Variants in EDIL3 observed in about 807,000 individuals in gnomAD.
The protein encoded by EDIL3 is EGF like and discoidin domains 3.
In EDIL3, 37 loss-of-function variants were observed where a neutral mutation model predicts 67.4. The observed-to-expected ratio is 0.55, with a 90% confidence interval of 0.42 to 0.72. EDIL3 has a LOEUF of 0.72. Among genes scored for constraint, EDIL3 ranks in the 30% least tolerant of loss-of-function variants. The pLI, the probability that EDIL3 is intolerant of heterozygous loss-of-function variation, is 0.00. For synonymous variants in EDIL3, 195 were observed against 196.3 expected (o/e 0.99, Z 0.05); for missense variants, 527 against 586.3 (o/e 0.90, Z 1.04).
At chr5:84,323,456 A>G (rs1746688674) in intron 1 of EDIL3, among the ~76,000 whole-genome samples, 2 of 152,014 alleles carry the variant, frequency 1.3e-5, no homozygotes, top group African/African-American at 4.8e-5. Flanking sequence ...ATGTTTCAAT[A>G]TAAAAAATCA....
rs192581802 is a variant in EDIL3, at chr5:84,029,652, T to G, written c.1137+30648A>C. ...ACGTTCACTTTGAGAAATTTAACCCTCAAAAGGGTTAAGATTAAGCGGATA... is the reference window on the plus strand; with the variant it reads ...ACGTTCACTTTGAGAAATTTAACCCGCAAAAGGGTTAAGATTAAGCGGATA... On this transcript the variant is annotated intron_variant, in intron 9 of 10. Coordinates refer to ENST00000296591, the MANE Select transcript of EDIL3 (RefSeq NM_005711.5). Among the ~76,000 whole-genome samples, 4 of 152,088 alleles carry G rather than the reference T, an allele frequency of 2.6e-5. No homozygotes were observed. In the East Asian group the frequency reaches 7.7e-4, roughly 29 times the overall value.
intron 6 of EDIL3, among the ~76,000 whole-genome samples, chr5:84,072,764 G>T (rs1746762576): frequency 1.3e-5 from 2 of 152,052 alleles, no homozygotes; most frequent in African/African-American, 2.4e-5. Flanking sequence ...GTACAGAAAA[G>T]AAGATACTAT....
intron 1 of EDIL3, among the ~76,000 whole-genome samples, chr5:84,298,890 C>T (rs138484044): frequency 1.3e-5 from 2 of 152,180 alleles, no homozygotes; most frequent in East Asian, 1.9e-4. Context: ...GTGGTTGGGG[C>T]GCATCAAGGA....
At chr5:84,115,824 T>C (rs769636167) in intron 5 of EDIL3, among the ~76,000 whole-genome samples, 4 of 152,210 alleles carry the variant, frequency 2.6e-5, no homozygotes, top group Non-Finnish European at 4.4e-5. Context: ...AAGGGTATAA[T>C]GCCAAGGTTA....
intron 9 of EDIL3, among the ~76,000 whole-genome samples, chr5:83,964,334 G>C (rs190668595): frequency 6.6e-6 from 1 of 151,464 alleles, no homozygotes; most frequent in East Asian, 2.0e-4. Flanking sequence ...CTTGATCTAC[G>C]GCTTCCTCTC....
chr5:84,247,516 A>C (rs1744931787), intron 2 of EDIL3, among the ~76,000 whole-genome samples: 1 of 152,164 alleles, frequency 6.6e-6, no homozygotes, highest in African/African-American at 2.4e-5. Flanking sequence ...GTTTTTTAAA[A>C]AATGTGTATG....
At chr5:83,995,297 T>C (rs1211092165) in intron 9 of EDIL3, among the ~76,000 whole-genome samples, 1 of 152,016 alleles carries the variant, frequency 6.6e-6, no homozygotes. Context: ...CTAGCGGAGA[T>C]TCATCACATT....
intron 4 of EDIL3, among the ~76,000 whole-genome samples, chr5:84,168,081 G>C (rs1340906316): frequency 6.6e-6 from 1 of 152,008 alleles, no homozygotes; most frequent in Non-Finnish European, 1.5e-5. Context: ...AAACTTCTAG[G>C]CTATGGCATA....
intron 9 of EDIL3, among the ~76,000 whole-genome samples, chr5:83,987,192 T>G (rs1376578761): frequency 6.6e-6 from 1 of 152,102 alleles, no homozygotes; most frequent in Admixed American, 6.6e-5. Flanking sequence ...TATGTTTATC[T>G]CTAAAACTGC....
At chr5:84,316,446 C>T (rs975634249) in intron 1 of EDIL3, among the ~76,000 whole-genome samples, 13 of 151,968 alleles carry the variant, frequency 8.6e-5, no homozygotes, top group South Asian at 2.1e-4. Context: ...GCAAAAAAAG[C>T]GGGGGTTGCA....
intron 3 of EDIL3, among the ~76,000 whole-genome samples, chr5:84,219,404 T>C (rs1283967875): frequency 6.6e-6 from 1 of 152,256 alleles, no homozygotes; most frequent in East Asian, 1.9e-4. Context: ...CTCATAGCAT[T>C]GATCATCAGA....
At chr5:84,046,030 TA>T (rs1746218069) in intron 9 of EDIL3, among the ~76,000 whole-genome samples, 1 of 152,234 alleles carries the variant, frequency 6.6e-6, no homozygotes, top group Non-Finnish European at 1.5e-5. Flanking sequence ...CAGGGTTCTC[TA>T]AAACATAATG....
chr5:84,168,800 A>G lies in EDIL3; in HGVS notation c.355+11593T>C, dbSNP rs114210301. Among the ~76,000 whole-genome samples the G allele has an allele frequency of 5.1e-3, 778 of 152,264 alleles. 4 individuals are homozygous for G. Among genetic ancestry groups the G allele is most frequent in the African/African-American group, 0.017 (714 of 41,544 alleles). ...TCCACGCTTACCCCCACCTGAACCT[A>G]TTCTTTGCCATCTGCCAGAATCATT... On this transcript the variant is annotated intron_variant, in intron 4 of 10. Coordinates refer to ENST00000296591, the MANE Select transcript of EDIL3 (RefSeq NM_005711.5).
At chr5:84,312,388 T>C (rs1208860480) in intron 1 of EDIL3, among the ~76,000 whole-genome samples, 44 of 85,474 alleles carry the variant, frequency 5.1e-4, no homozygotes, top group African/African-American at 1.4e-3. Flanking sequence ...GGGGGCTGAC[T>C]CCCCCACCAC....
intron 1 of EDIL3, among the ~76,000 whole-genome samples, chr5:84,375,081 G>T (rs1580110351): frequency 6.6e-6 from 1 of 150,464 alleles, no homozygotes; most frequent in South Asian, 2.1e-4. Flanking sequence ...AAGCAATTCT[G>T]CTGCCTCAGC....
chr5:84,355,667 C>T lies in EDIL3; in HGVS notation c.67+28641G>A, dbSNP rs561149001. ...GTTCCTTCCTCTGGAAGCTTCGTCCCAGAGGGCCACCCACCAGATGCCAGC... is the reference window on the plus strand; with the variant it reads ...GTTCCTTCCTCTGGAAGCTTCGTCCTAGAGGGCCACCCACCAGATGCCAGC... On this transcript the variant is annotated intron_variant, in intron 1 of 10. Transcript: ENST00000296591. 7.9e-5 allele frequency among the ~76,000 whole-genome samples: 12 copies of T among 152,252 alleles called. No individual in the cohort carries two copies. The East Asian group carries it at 1.7e-3, about 22-fold the overall frequency.
At chr5:84,225,932 CAG>C (rs1340307788) in intron 3 of EDIL3, among the ~76,000 whole-genome samples, 2 of 151,468 alleles carry the variant, frequency 1.3e-5, no homozygotes, top group Non-Finnish European at 3.0e-5. Context: ...AACTATTAAT[CAG>C]GATGCTGTGA....
intron 1 of EDIL3, among the ~76,000 whole-genome samples, chr5:84,356,526 T>A (rs1188663546): frequency 1.3e-5 from 2 of 152,222 alleles, no homozygotes; most frequent in Non-Finnish European, 1.5e-5. Context: ...TCTTCTTCCA[T>A]CACATCTCCT....
intron 1 of EDIL3, among the ~76,000 whole-genome samples, chr5:84,309,949 G>T (rs960084698): frequency 1.1e-4 from 17 of 152,144 alleles, no homozygotes; most frequent in Admixed American, 7.9e-4. Context: ...CTAGTTTACA[G>T]TCCCACCAAC....
Sources: allele counts gnomAD v4.1 joint callset (sites outside exome capture counted in the v4.1 genomes callset), GRCh38; gene constraint gnomAD v4.1.1; transcripts MANE v1.5; gene names NCBI Gene and HGNC (gene_info 2026-07-23, HGNC 2026-07-21).